The following PAK1 variants were observed in gnomAD, a reference collection of about 807,000 sequenced individuals.
PAK1 encodes p21 (RAC1) activated kinase 1.
PAK1 carries 29 observed loss-of-function variants against 67.4 expected under a neutral mutation model. The observed-to-expected ratio is 0.43, with a 90% confidence interval of 0.32 to 0.59. The LOEUF (loss-of-function observed/expected upper bound fraction) is 0.59, where lower values mean the gene tolerates loss of function less well. Ranked by LOEUF, PAK1 falls within the 20% of genes least tolerant of loss-of-function variation. PAK1 has a pLI of 0.07. For synonymous variants in PAK1, 223 were observed against 237.4 expected, an observed-to-expected ratio of 0.94 and a Z score of 0.56; for missense variants, 337 against 670.7, an observed-to-expected ratio of 0.50 and a Z score of 5.50.
chr11:77,425,474 C>G (rs1477533470), intron 1 of PAK1, among the ~76,000 whole-genome samples: 1 of 152,150 alleles, frequency 6.6e-6, no homozygotes, highest in Non-Finnish European at 1.5e-5. Context: ...CCAATTAATT[C>G]TTACATACCC....
intron 2 of PAK1, 45 bp from the exon 3 acceptor site, chr11:77,380,039 T>TGTTCC: frequency 6.9e-7 from 1 of 1,449,212 alleles, no homozygotes; most frequent in Non-Finnish European, 9.6e-7. Context: ...AGGAACATTA[T>TGTTCC]TGTTTTTAGG....
intron 1 of PAK1, among the ~76,000 whole-genome samples, chr11:77,443,729 C>T (rs924492147): frequency 2.8e-4 from 42 of 151,976 alleles, no homozygotes; most frequent in African/African-American, 9.9e-4. Context: ...CAAGGGATCT[C>T]GAAGTATCCA....
chr11:77,474,904 A>G (rs545814042), upstream of PAK1: 3 of 152,312 alleles, frequency 2.0e-5, no homozygotes, highest in East Asian at 5.8e-4. Flanking sequence ...AACATGTGCG[A>G]AACTGAGACA....
chr11:77,326,479 G>C (rs1422740279), intron 14 of PAK1, among the ~76,000 whole-genome samples: 1 of 152,170 alleles, frequency 6.6e-6, no homozygotes, highest in Non-Finnish European at 1.5e-5. Context: ...TGGGCAGATC[G>C]TTTGAGCCCA....
chr11:77,456,010 G>A (rs2135436848), intron 1 of PAK1: 1 of 152,254 alleles, frequency 6.6e-6, no homozygotes, highest in South Asian at 2.1e-4. Flanking sequence ...ATAGTAATAA[G>A]GTGTCTCTTG....
At chr11:77,364,361 A>G (rs1432059605) in intron 5 of PAK1, among the ~76,000 whole-genome samples, 1 of 152,216 alleles carries the variant, frequency 6.6e-6, no homozygotes, top group Non-Finnish European at 1.5e-5. Flanking sequence ...GTGTCAAATC[A>G]TTGGCTAAAG....
At chr11:77,341,982 G>C (rs1198504245) in intron 10 of PAK1, among the ~76,000 whole-genome samples, 2 of 152,176 alleles carry the variant, frequency 1.3e-5, no homozygotes, top group African/African-American at 4.8e-5. Flanking sequence ...AGACTATGGG[G>C]ATTTGAACTG....
At chr11:77,403,015 C>T (rs1952928626) in intron 1 of PAK1, among the ~76,000 whole-genome samples, 1 of 152,170 alleles carries the variant, frequency 6.6e-6, no homozygotes, top group African/African-American at 2.4e-5. Flanking sequence ...ACTGGCTACA[C>T]TCTTGCTCCT....
Position 77,332,753 on chromosome 11 carries a change from C to T in PAK1, c.1528G>A (p.Gly510Ser). The change falls in exon 14 of 15, where the codon GGT (glycine) becomes AGT (serine). Residue 510 changes from glycine (G) to serine (S), a missense_variant. Around this residue, in one of 8 missense-constraint regions of PAK1, gnomAD observed 71 missense variants for 160.5 expected, o/e 0.44. Transcript: ENST00000356341. ...ACCTGTAGCAGCTCTTTAGCTGAAC[C>T]TCTCTTCTCCACATCCATCTCGAGA... Reference protein sequence around the residue: ...RCLEMDVEKRGSAKELLQHQF... With the variant: ...RCLEMDVEKRSSAKELLQHQF... 1 of 1,613,788 alleles carries T rather than the reference C, an allele frequency of 6.2e-7. No homozygotes were observed. Among genetic ancestry groups the T allele is most frequent in the Non-Finnish European group, 8.5e-7 (1 of 1,179,758 alleles).
intron 1 of PAK1, among the ~76,000 whole-genome samples, chr11:77,393,651 G>T (rs1266593462): frequency 6.6e-6 from 1 of 152,172 alleles, no homozygotes; most frequent in Non-Finnish European, 1.5e-5. Context: ...CCTATATGGT[G>T]CAGAATTTAC....
chr11:77,481,697 C>T, the PAK1 span, among the ~76,000 whole-genome samples: 5 of 139,110 alleles, frequency 3.6e-5, no homozygotes, highest in African/African-American at 1.5e-4. Context: ...AAAAAAATTA[C>T]GTCTTTTCTG....
At chr11:77,503,513 G>C in the PAK1 span, among the ~76,000 whole-genome samples, 1 of 152,168 alleles carries the variant, frequency 6.6e-6, no homozygotes, top group Non-Finnish European at 1.5e-5. Flanking sequence ...AAAGAATGTT[G>C]TTTATGTGGG....
chr11:77,346,633 T>C (rs770146300), intron 9 of PAK1, among the ~76,000 whole-genome samples: 7 of 152,222 alleles, frequency 4.6e-5, no homozygotes, highest in Non-Finnish European at 1.0e-4. Flanking sequence ...CAGCATTTAA[T>C]AAGTACTTGG....
the PAK1 span, among the ~76,000 whole-genome samples, chr11:77,481,933 T>A: frequency 6.6e-6 from 1 of 152,178 alleles, no homozygotes; most frequent in Non-Finnish European, 1.5e-5. Context: ...TATTCCTTGT[T>A]AATAGTGATT....
the PAK1 span, among the ~76,000 whole-genome samples, chr11:77,487,605 G>A: frequency 6.6e-6 from 1 of 152,036 alleles, no homozygotes; most frequent in Admixed American, 6.6e-5. Flanking sequence ...TTCACCACAA[G>A]TTGACTGAAG....
intron 1 of PAK1, among the ~76,000 whole-genome samples, chr11:77,403,236 A>G (rs1013069005): frequency 6.6e-6 from 1 of 152,170 alleles, no homozygotes; most frequent in African/African-American, 2.4e-5. Flanking sequence ...ATCTTTGCAG[A>G]CTACTATTCA....
At chr11:77,486,192 G>GT in the PAK1 span, among the ~76,000 whole-genome samples, 1 of 152,092 alleles carries the variant, frequency 6.6e-6, no homozygotes, top group African/African-American at 2.4e-5. Flanking sequence ...TAAGATATCG[G>GT]TGGGGGTATT....
chr11:77,332,578 G>A (rs934932230), intron 14 of PAK1, 152 bp downstream of exon 14: 3 of 645,770 alleles, frequency 4.6e-6, no homozygotes, highest in Non-Finnish European at 8.2e-6. Context: ...CAAAGGCCCA[G>A]GGATAAAAGG....
chr11:77,421,703 T>C (rs1391813709), intron 1 of PAK1, among the ~76,000 whole-genome samples: 3 of 152,224 alleles, frequency 2.0e-5, no homozygotes, highest in Non-Finnish European at 4.4e-5. Flanking sequence ...GAAAGGAATG[T>C]GGATGCAGTC....
Sources: gnomAD v4.1 joint callset for allele counts (sites outside exome capture counted in the v4.1 genomes callset) on GRCh38, gnomAD v4.1.1 for gene constraint, gnomAD v4.1.1 regional missense constraint, MANE v1.5 for transcripts, NCBI Gene and HGNC (gene_info 2026-07-23, HGNC 2026-07-21) for gene names.